TANC2: variants seen among roughly 807,000 people sequenced by gnomAD.
The protein encoded by TANC2 is protein TANC2.
TANC2 carries 26 observed loss-of-function variants against 210.5 expected under a neutral mutation model. The observed-to-expected ratio is 0.12, with a 90% confidence interval of 0.09 to 0.17. The LOEUF is 0.17. TANC2 is among the 10% of genes least tolerant of loss of function. TANC2 has a pLI of 1.00. For missense variants in TANC2, 2,129 were observed against 2,608.9 expected (o/e 0.82, Z 4.01); for synonymous variants, 931 against 967.1 (o/e 0.96, Z 0.69).
intron 2 of TANC2, among the ~76,000 whole-genome samples, chr17:63,061,532 C>T (rs895673010): frequency 3.3e-5 from 5 of 151,956 alleles, no homozygotes; most frequent in Non-Finnish European, 4.4e-5. Context: ...TACATAGTTT[C>T]AAGTATGTGT....
At chr17:63,098,472 ACACACACATACACTCTCTCT>A in intron 3 of TANC2, among the ~76,000 whole-genome samples, 1 of 37,192 alleles carries the variant, frequency 2.7e-5, no homozygotes, top group African/African-American at 1.9e-4. Flanking sequence ...ACACACACAC[ACACACACATACACTCTCTCT>A]CTCTCTCTCT....
intron 4 of TANC2, among the ~76,000 whole-genome samples, chr17:63,109,595 TATA>T (rs1484921012): frequency 3.3e-5 from 5 of 151,636 alleles, no homozygotes; most frequent in Non-Finnish European, 5.9e-5. Context: ...AAGTAATAAT[TATA>T]ATAATAGTAG....
At chr17:62,991,039 A>C (rs906912604) in intron 1 of TANC2, among the ~76,000 whole-genome samples, 1 of 152,118 alleles carries the variant, frequency 6.6e-6, no homozygotes, top group Non-Finnish European at 1.5e-5. Flanking sequence ...AACTAATATG[A>C]CTTTTTTTAA....
chr17:63,400,943 G>A (rs1020197930), intron 19 of TANC2, among the ~76,000 whole-genome samples: 24 of 151,774 alleles, frequency 1.6e-4, no homozygotes, highest in African/African-American at 4.6e-4. Flanking sequence ...GTGAGCCACC[G>A]TGCCTGGCTG....
intron 2 of TANC2, among the ~76,000 whole-genome samples, chr17:63,062,029 CT>C (rs1456805403): frequency 2.6e-5 from 4 of 151,964 alleles, no homozygotes; most frequent in African/African-American, 9.7e-5. Context: ...ATTTTTAGAA[CT>C]TTTTGAAATT....
In TANC2 at chr17:63,267,708, T is replaced by A. The variant is rs780550057; in HGVS notation, c.1034-40T>A. The A allele has an allele frequency of 3.4e-5, 54 of 1,598,958 alleles. No homozygotes were observed. In the Admixed American group the frequency reaches 9.2e-4, roughly 27 times the overall value. ...TACAGACTAGCTGAAAGACATTTTCTGAACTTAAATATTCTAACTAAACTT... is the reference window on the plus strand; with the variant it reads ...TACAGACTAGCTGAAAGACATTTTCAGAACTTAAATATTCTAACTAAACTT... On this transcript the variant is annotated intron_variant, in intron 8 of 27. Transcript: ENST00000689528.
intron 11 of TANC2, among the ~76,000 whole-genome samples, chr17:63,339,778 T>G (rs940823332): frequency 1.3e-5 from 2 of 152,238 alleles, no homozygotes; most frequent in Non-Finnish European, 2.9e-5. Flanking sequence ...GTGATATCAA[T>G]GTAAGTCTTT....
intron 3 of TANC2, among the ~76,000 whole-genome samples, chr17:63,077,725 T>C (rs73341722): frequency 0.021 from 3,208 of 152,226 alleles, 104 homozygotes; most frequent in African/African-American, 0.072. Context: ...TTTAGCAGAA[T>C]CCAGAGTAGT....
chr17:63,048,720 C>G (rs2035470923), intron 2 of TANC2, among the ~76,000 whole-genome samples: 3 of 152,040 alleles, frequency 2.0e-5, no homozygotes, highest in African/African-American at 4.8e-5. Flanking sequence ...TACATGTTCT[C>G]TCTTATAAAT....
At chr17:63,260,165 A>T (rs2043314577) in intron 8 of TANC2, among the ~76,000 whole-genome samples, 1 of 152,210 alleles carries the variant, frequency 6.6e-6, no homozygotes, top group Non-Finnish European at 1.5e-5. Flanking sequence ...TTGTACTGAG[A>T]GTCAGGATAC....
chr17:63,131,970 T>G (rs1377507957), intron 4 of TANC2, among the ~76,000 whole-genome samples: 1 of 152,242 alleles, frequency 6.6e-6, no homozygotes, highest in African/African-American at 2.4e-5. Flanking sequence ...CATGGAAATA[T>G]TTATGCATTG....
chr17:63,032,386 G>A (rs1445339313), intron 2 of TANC2, among the ~76,000 whole-genome samples: 3 of 152,108 alleles, frequency 2.0e-5, no homozygotes, highest in African/African-American at 7.2e-5. Flanking sequence ...ATCATCTATG[G>A]TAGAGGGAGG....
intron 2 of TANC2, among the ~76,000 whole-genome samples, chr17:63,049,418 G>A (rs947391529): frequency 7.9e-5 from 12 of 152,138 alleles, no homozygotes; most frequent in African/African-American, 2.7e-4. Flanking sequence ...AGGCATGATT[G>A]GGGGGACAGT....
intron 9 of TANC2, among the ~76,000 whole-genome samples, chr17:63,301,218 G>T (rs757448192): frequency 1.3e-5 from 2 of 152,140 alleles, no homozygotes; most frequent in Non-Finnish European, 2.9e-5. Flanking sequence ...ATGTTCATCA[G>T]GGGTATTGGC....
chr17:63,306,155 T>C (rs2044897117), intron 9 of TANC2, among the ~76,000 whole-genome samples: 1 of 152,158 alleles, frequency 6.6e-6, no homozygotes, highest in Non-Finnish European at 1.5e-5. Flanking sequence ...GGAGAGTAAA[T>C]GTAGCAAAAG....
chr17:63,086,219 C>T (rs1452435828), intron 3 of TANC2, among the ~76,000 whole-genome samples: 1 of 151,952 alleles, frequency 6.6e-6, no homozygotes, highest in East Asian at 1.9e-4. Context: ...GTTTGTTTGG[C>T]ATTTATCCTG....
At chr17:62,970,591 C>G (rs528142295) in intron 1 of TANC2, among the ~76,000 whole-genome samples, 3 of 152,236 alleles carry the variant, frequency 2.0e-5, no homozygotes, top group Admixed American at 2.0e-4. Flanking sequence ...TATACTAATC[C>G]AGTCATTTCA....
intron 5 of TANC2, among the ~76,000 whole-genome samples, chr17:63,180,124 A>G (rs1249837126): frequency 6.6e-6 from 1 of 152,010 alleles, no homozygotes; most frequent in East Asian, 1.9e-4. Flanking sequence ...ACAAAGTGAG[A>G]CCCTATCTCA....
At chr17:63,133,856 T>A (rs2039002543) in intron 4 of TANC2, among the ~76,000 whole-genome samples, 1 of 151,854 alleles carries the variant, frequency 6.6e-6, no homozygotes, top group Non-Finnish European at 1.5e-5. Context: ...ATAGAATGGG[T>A]AGAATTTGTA....
Sources: gnomAD v4.1 joint callset for allele counts (sites outside exome capture counted in the v4.1 genomes callset) on GRCh38, gnomAD v4.1.1 for gene constraint, MANE v1.5 for transcripts, NCBI Gene and HGNC (gene_info 2026-07-23, HGNC 2026-07-21) for gene names.